The following MCMBP variants were observed in gnomAD, a reference collection of about 807,000 sequenced individuals.
MCMBP encodes the protein minichromosome maintenance complex binding protein.
In MCMBP, 31 loss-of-function variants were observed where a neutral mutation model predicts 81.3. That is an observed-to-expected ratio of 0.38 (90% CI 0.29 to 0.51). The LOEUF (loss-of-function observed/expected upper bound fraction) is 0.51, where lower values mean the gene tolerates loss of function less well. Among genes scored for constraint, MCMBP ranks in the 20% least tolerant of loss-of-function variants. The pLI, the probability that MCMBP is intolerant of heterozygous loss-of-function variation, is 0.87. For missense variants in MCMBP, 645 were observed against 772.1 expected, an observed-to-expected ratio of 0.84 and a Z score of 1.95; for synonymous variants, 267 against 275.9, an observed-to-expected ratio of 0.97 and a Z score of 0.32.
intron 8 of MCMBP, among the ~76,000 whole-genome samples, chr10:119,844,769 G>A (rs1852562225): frequency 6.7e-6 from 1 of 149,074 alleles, no homozygotes; most frequent in South Asian, 2.1e-4. Flanking sequence ...AGAGCAGACT[G>A]GCTGAGTCTT....
At chr10:119,866,760 T>C (rs1292350857) in intron 1 of MCMBP, among the ~76,000 whole-genome samples, 2 of 152,156 alleles carry the variant, frequency 1.3e-5, no homozygotes, top group Non-Finnish European at 2.9e-5. Context: ...AAAAATTTTT[T>C]TGGACCAGCC....
chr10:119,831,463 G>GTATT lies in MCMBP; in HGVS notation c.*7_*10dup. ...ACAGTTTGCCCATTACTCTTCATAG[G>GTATT]TATTACATCTTTAAAGTTCATTTCC... On this transcript the variant is annotated 3_prime_UTR_variant, in exon 16 of 16. Coordinates refer to ENST00000369077, the MANE Select transcript of MCMBP (RefSeq NM_001256378.2). 1 of 1,613,624 alleles carries GTATT rather than the reference G, an allele frequency of 6.2e-7. No individual in the cohort carries two copies. Among genetic ancestry groups the GTATT allele is most frequent in the Non-Finnish European group, 8.5e-7 (1 of 1,179,736 alleles).
At chr10:119,866,455 G>A (rs1355448268) in intron 1 of MCMBP, among the ~76,000 whole-genome samples, 4 of 152,198 alleles carry the variant, frequency 2.6e-5, no homozygotes, top group East Asian at 1.9e-4. Flanking sequence ...GTAAAACTCC[G>A]TCTCTACTAA....
At chr10:119,867,292 C>CAAAAA (rs372338008) in intron 1 of MCMBP, among the ~76,000 whole-genome samples, 7 of 48,730 alleles carry the variant, frequency 1.4e-4, no homozygotes, top group Admixed American at 3.8e-4. Flanking sequence ...GACTCCATCT[C>CAAAAA]AAAAAAAAAA....
At chr10:119,863,310 G>A (rs906415056) in intron 1 of MCMBP, among the ~76,000 whole-genome samples, 4 of 152,068 alleles carry the variant, frequency 2.6e-5, no homozygotes, top group African/African-American at 7.2e-5. Flanking sequence ...TCCATTTTGA[G>A]TTAATTTTAT....
At chr10:119,846,024 A>G (rs1852605120) in intron 8 of MCMBP, among the ~76,000 whole-genome samples, 1 of 152,224 alleles carries the variant, frequency 6.6e-6, no homozygotes, top group Non-Finnish European at 1.5e-5. Context: ...GGGTGCGTAT[A>G]TATGTATCCA....
intron 1 of MCMBP, among the ~76,000 whole-genome samples, chr10:119,863,447 G>A (rs1241674118): frequency 1.3e-5 from 2 of 151,926 alleles, no homozygotes; most frequent in African/African-American, 4.8e-5. Context: ...AAAATGCAGC[G>A]AGGGCCAGGC....
chr10:119,842,412 C>T (rs985371911), intron 10 of MCMBP, 60 bp downstream of exon 10: 30 of 1,548,692 alleles, frequency 1.9e-5, no homozygotes, highest in African/African-American at 6.9e-5. Context: ...GCAATCTTCC[C>T]GCTCTTCCAC....
At chr10:119,833,450 G>A (rs1852118994) in intron 14 of MCMBP, among the ~76,000 whole-genome samples, 2 of 150,464 alleles carry the variant, frequency 1.3e-5, no homozygotes, top group African/African-American at 4.9e-5. Flanking sequence ...GACCAGCCTA[G>A]GCAATAAAGC....
At chr10:119,865,378 G>A (rs867207538) in intron 1 of MCMBP, among the ~76,000 whole-genome samples, 2 of 152,126 alleles carry the variant, frequency 1.3e-5, no homozygotes, top group Non-Finnish European at 2.9e-5. Flanking sequence ...GATTACCTGA[G>A]ATCAGTAGTT....
chr10:119,872,027 G>A lies in MCMBP; in HGVS notation c.58+500C>T, dbSNP rs565196652. On this transcript the variant is annotated intron_variant, in intron 1 of 15. Coordinates refer to ENST00000369077, the MANE Select transcript of MCMBP (RefSeq NM_001256378.2). ...CATTAAATCTTATCTCTGAAAGAGA[G>A]AATGAGGGTAGCACAGGAGTTAGAA... Among the ~76,000 whole-genome samples, 4 of 152,340 alleles carry A rather than the reference G, an allele frequency of 2.6e-5. No homozygotes were observed. The East Asian group carries it at 7.7e-4, about 29-fold the overall frequency.
At position 119,858,849 on chromosome 10, in the gene MCMBP, A is replaced by C. The variant is rs146789270; in HGVS notation, c.327+35T>G. 2,528 of 1,473,720 alleles carry C rather than the reference A, an allele frequency of 1.7e-3. 38 individuals are homozygous for C. The African/African-American group carries it at 0.032, about 19-fold the overall frequency. 91.3% of individuals were successfully genotyped at this position (1,473,720 alleles called of 1,614,324 possible). ...ATTCTCTGTTTAGGAAAAAATTCTT[A>C]CTAAAAATGTTTCATATATATTAAA... is the stretch of plus-strand genomic sequence containing the variant. On this transcript the variant is annotated intron_variant, in intron 4 of 15. Transcript: ENST00000369077.
At chr10:119,834,735 C>CCCAG (rs1190230991) in intron 14 of MCMBP, among the ~76,000 whole-genome samples, 27 of 151,700 alleles carry the variant, frequency 1.8e-4, no homozygotes, top group Admixed American at 5.9e-4. Context: ...GTGGCACATG[C>CCCAG]CTGTGGTCCC....
intron 5 of MCMBP, among the ~76,000 whole-genome samples, chr10:119,853,405 G>A (rs1852902444): frequency 6.6e-6 from 1 of 152,144 alleles, no homozygotes; most frequent in Non-Finnish European, 1.5e-5. Flanking sequence ...CAATGTAACT[G>A]GACAAAATAT....
At chr10:119,831,716 G>T (rs760009193) in intron 15 of MCMBP, 116 bp from the exon 16 acceptor site, 1 of 1,200,918 alleles carries the variant, frequency 8.3e-7, no homozygotes, top group Non-Finnish European at 1.1e-6. Context: ...AGACAAGACC[G>T]TATGGTAGTT....
intron 14 of MCMBP, among the ~76,000 whole-genome samples, chr10:119,833,255 C>G (rs554980492): frequency 5.9e-5 from 9 of 152,260 alleles, no homozygotes; most frequent in Admixed American, 3.9e-4. Context: ...AAACAACCTA[C>G]CAACAGTAAC....
In MCMBP at chr10:119,853,148, T is replaced by C. The variant is rs140609466; in HGVS notation, c.476A>G (p.Tyr159Cys). ...ACTCCTCTTGTGGCGACTAGGAGTGTAGGATGTTGAGGGACTGACTCGAGC... is the reference window on the plus strand; with the variant it reads ...ACTCCTCTTGTGGCGACTAGGAGTGCAGGATGTTGAGGGACTGACTCGAGC... Reference protein sequence around the residue: ...NQARVSPSTSYTPSRHKRSYE... With the variant: ...NQARVSPSTSCTPSRHKRSYE... Residue 159 changes from tyrosine to cysteine, a missense_variant, in exon 6 of 16, where the codon TAC (tyrosine) becomes TGC (cysteine). Tyr to Cys is a radical substitution (Grantham distance 194, BLOSUM62 -2). Transcript: ENST00000369077. 1.4e-5 allele frequency: 23 copies of C among 1,614,050 alleles called. No individual in the cohort carries two copies. The highest frequency in any genetic ancestry group is 2.7e-5 in the African/African-American group (2 of 74,940).
chr10:119,830,541 GTA>G lies in MCMBP; in HGVS notation c.*931_*932del. ...AGAAAATAAAAACTTTCTAAAGGGG[GTA>G]TTGCTTTTTAAGTTTCCTATTTTGT... On this transcript the variant is annotated 3_prime_UTR_variant, in exon 16 of 16. Coordinates refer to ENST00000369077, the MANE Select transcript of MCMBP (RefSeq NM_001256378.2). 1 of 152,246 alleles carries G rather than the reference GTA, an allele frequency of 6.6e-6. No homozygotes were observed. Among genetic ancestry groups the G allele is most frequent in the Middle Eastern group, 3.4e-3 (1 of 294 alleles). The allele number at this position is 152,246 out of a possible 1,614,324, so 9.4% of individuals were successfully genotyped here.
At chr10:119,847,823 G>T in intron 7 of MCMBP, 110 bp from the exon 8 acceptor site, 1 of 538,510 alleles carries the variant, frequency 1.9e-6, no homozygotes, top group Non-Finnish European at 3.2e-6. Flanking sequence ...AGACCTTAAA[G>T]CAAGTCCTTT....
Sources: gnomAD v4.1 joint callset for allele counts (sites outside exome capture counted in the v4.1 genomes callset) on GRCh38, gnomAD v4.1.1 for gene constraint, MANE v1.5 for transcripts, NCBI Gene and HGNC (gene_info 2026-07-23, HGNC 2026-07-21) for gene names.